The following GABRG3 variants were observed in gnomAD, a reference collection of about 807,000 sequenced individuals.
The protein encoded by GABRG3 is gamma-aminobutyric acid type A receptor subunit gamma3, also known as gamma-aminobutyric acid receptor subunit gamma-3.
GABRG3 carries 25 observed loss-of-function variants against 48.8 expected under a neutral mutation model. The ratio of observed to expected loss-of-function variants is 0.51; its 90% CI spans 0.37 to 0.72. The LOEUF is 0.72. GABRG3 is among the 30% of genes least tolerant of loss of function. The pLI is 0.00. For synonymous variants in GABRG3, 227 were observed against 217.6 expected, an observed-to-expected ratio of 1.04 and a Z score of -0.38; for missense variants, 394 against 577.9, an observed-to-expected ratio of 0.68 and a Z score of 3.26.
chr15:27,272,456 T>A (rs1324562846), intron 3 of GABRG3, among the ~76,000 whole-genome samples: 1 of 152,206 alleles, frequency 6.6e-6, no homozygotes, highest in East Asian at 1.9e-4. Flanking sequence ...AGCCATGGTA[T>A]GTCTGTAACA....
At chr15:27,262,581 C>T (rs1364479083) in intron 3 of GABRG3, among the ~76,000 whole-genome samples, 1 of 152,222 alleles carries the variant, frequency 6.6e-6, no homozygotes, top group African/African-American at 2.4e-5. Flanking sequence ...CATTCTTACT[C>T]ATTTGAAGTG....
At chr15:27,089,139 G>A (rs898024789) in intron 3 of GABRG3, among the ~76,000 whole-genome samples, 1 of 152,214 alleles carries the variant, frequency 6.6e-6, no homozygotes, top group African/African-American at 2.4e-5. Context: ...GACCGTGGAA[G>A]GACCAGACTT....
chr15:27,340,514 T>G (rs1429637354), intron 5 of GABRG3: 1 of 152,982 alleles, frequency 6.5e-6, no homozygotes, highest in Non-Finnish European at 1.5e-5. Context: ...TACTCTCCTC[T>G]CCATAGTACA....
At chr15:27,127,689 C>T (rs1595539647) in intron 3 of GABRG3, among the ~76,000 whole-genome samples, 1 of 152,220 alleles carries the variant, frequency 6.6e-6, no homozygotes, top group East Asian at 1.9e-4. Flanking sequence ...TTGGTGACCG[C>T]ATTATTCCCT....
chr15:26,985,538 A>T (rs1429996884), intron 2 of GABRG3, among the ~76,000 whole-genome samples: 1 of 152,204 alleles, frequency 6.6e-6, no homozygotes, highest in Non-Finnish European at 1.5e-5. Context: ...AAAAATTATA[A>T]GCACAGTTGA....
chr15:27,091,771 T>C (rs925139189), intron 3 of GABRG3, among the ~76,000 whole-genome samples: 4 of 152,186 alleles, frequency 2.6e-5, no homozygotes, highest in Non-Finnish European at 5.9e-5. Flanking sequence ...CTCTGCTCTT[T>C]CCAGAAATGT....
At chr15:27,202,275 T>C (rs1285515782) in intron 3 of GABRG3, among the ~76,000 whole-genome samples, 2 of 152,236 alleles carry the variant, frequency 1.3e-5, no homozygotes, top group Non-Finnish European at 2.9e-5. Flanking sequence ...TCATTTTTTT[T>C]CTGTTTCACT....
At chr15:27,196,748 G>A (rs1888508191) in intron 3 of GABRG3, among the ~76,000 whole-genome samples, 1 of 152,222 alleles carries the variant, frequency 6.6e-6, no homozygotes, top group African/African-American at 2.4e-5. Context: ...GGGATCTGCG[G>A]TTGTCAGCCC....
rs114507398 is a variant in GABRG3 at position 27,175,030 on chromosome 15, G to A, written c.270+148209G>A. Among the ~76,000 whole-genome samples the A allele has an allele frequency of 6.9e-3, 1,052 of 152,284 alleles. 10 individuals are homozygous for A. Among genetic ancestry groups the A allele is most frequent in the African/African-American group, 0.024 (998 of 41,566 alleles). On this transcript the variant is annotated intron_variant, in intron 3 of 9. Transcript: ENST00000615808. ...ATTGTTTAAAACCAATCAGGACCAA[G>A]ATTGGCCCCTAATCCTGTGTCTCTC...
At chr15:27,075,761 G>A (rs1896899703) in intron 3 of GABRG3, among the ~76,000 whole-genome samples, 1 of 152,178 alleles carries the variant, frequency 6.6e-6, no homozygotes, top group Non-Finnish European at 1.5e-5. Flanking sequence ...ATTTTCTATG[G>A]AGGTATCAGG....
chr15:27,162,861 A>G (rs1370893954), intron 3 of GABRG3, among the ~76,000 whole-genome samples: 1 of 152,116 alleles, frequency 6.6e-6, no homozygotes, highest in Non-Finnish European at 1.5e-5. Context: ...TCAGAATTCA[A>G]AACATTGAAA....
intron 3 of GABRG3, among the ~76,000 whole-genome samples, chr15:27,218,888 C>T (rs368729974): frequency 1.2e-4 from 19 of 152,116 alleles, no homozygotes; most frequent in African/African-American, 3.4e-4. Flanking sequence ...CATTCACACA[C>T]GGAGAGGAAG....
At chr15:27,399,247 AC>A (rs1887410154) in intron 5 of GABRG3, among the ~76,000 whole-genome samples, 1 of 152,194 alleles carries the variant, frequency 6.6e-6, no homozygotes, top group Non-Finnish European at 1.5e-5. Context: ...CTTTGAGAAG[AC>A]CCTGAAAACA....
chr15:27,081,091 A>G (rs1180559406), intron 3 of GABRG3, among the ~76,000 whole-genome samples: 1 of 152,186 alleles, frequency 6.6e-6, no homozygotes, highest in Non-Finnish European at 1.5e-5. Context: ...CCTGGCCCAC[A>G]TCAGCAGGAC....
chr15:27,111,268 G>A (rs1329549609), intron 3 of GABRG3, among the ~76,000 whole-genome samples: 1 of 151,940 alleles, frequency 6.6e-6, no homozygotes, highest in Non-Finnish European at 1.5e-5. Flanking sequence ...TTTTCATTTT[G>A]CTTCCTTTGC....
At chr15:27,239,086 A>T (rs1188010924) in intron 3 of GABRG3, among the ~76,000 whole-genome samples, 1 of 152,204 alleles carries the variant, frequency 6.6e-6, no homozygotes, top group African/African-American at 2.4e-5. Context: ...GAGGAAAAGG[A>T]GGACAAAGAT....
chr15:27,515,105 C>T (rs538249158), intron 6 of GABRG3, among the ~76,000 whole-genome samples: 12 of 151,292 alleles, frequency 7.9e-5, no homozygotes, highest in East Asian at 3.9e-4. Flanking sequence ...TTTTTTGAGA[C>T]GGAGTTTTGC....
At chr15:27,064,036 C>T (rs992376075) in intron 3 of GABRG3, among the ~76,000 whole-genome samples, 3 of 152,170 alleles carry the variant, frequency 2.0e-5, no homozygotes, top group Admixed American at 6.5e-5. Context: ...TTTTTGGAGA[C>T]GCAGTAGATT....
chr15:27,107,262 A>T (rs1595528872), intron 3 of GABRG3, among the ~76,000 whole-genome samples: 1 of 152,134 alleles, frequency 6.6e-6, no homozygotes, highest in East Asian at 1.9e-4. Flanking sequence ...GGTGATCTTC[A>T]TGAATGAGTG....
Sources: gnomAD v4.1 joint callset for allele counts (sites outside exome capture counted in the v4.1 genomes callset) on GRCh38, gnomAD v4.1.1 for gene constraint, MANE v1.5 for transcripts, NCBI Gene and HGNC (gene_info 2026-07-23, HGNC 2026-07-21) for gene names.